Variants in ST3GAL5 observed in about 807,000 individuals in gnomAD.
ST3GAL5 encodes the protein ST3 beta-galactoside alpha-2,3-sialyltransferase 5.
A neutral mutation model predicts 46.1 loss-of-function variants in ST3GAL5; 25 were observed. That is an observed-to-expected ratio of 0.54 (90% CI 0.40 to 0.76). The LOEUF is 0.76. Ranked by LOEUF, ST3GAL5 falls within the 30% of genes least tolerant of loss-of-function variation. The pLI is 0.00. For synonymous variants in ST3GAL5, 182 were observed against 192.7 expected, an observed-to-expected ratio of 0.94 and a Z score of 0.46; for missense variants, 431 against 521.2, an observed-to-expected ratio of 0.83 and a Z score of 1.69.
At position 85,857,097 on chromosome 2, in the gene ST3GAL5, A is replaced by AAAAAAAT. The variant is rs1558669884; in HGVS notation, c.318+4083_318+4084insATTTTTT. On this transcript the variant is annotated intron_variant, in intron 3 of 6. Transcript: ENST00000638572. The stretch of plus-strand genomic sequence containing the variant: ...AAAAAAAAAAAAAAAAAAAAAAAAA[A>AAAAAAAT]TAGGCACGTATGGTGGTGCATGCTA... 1.6e-3 allele frequency among the ~76,000 whole-genome samples: 207 copies of AAAAAAAT among 132,378 alleles called. 2 individuals are homozygous for AAAAAAAT. Among genetic ancestry groups the AAAAAAAT allele is most frequent in the African/African-American group, 5.4e-3 (201 of 36,892 alleles). 86.8% of individuals were successfully genotyped at this position (132,378 alleles called of 152,430 possible).
At position 85,840,396 on chromosome 2, in the gene ST3GAL5, A is replaced by C; in HGVS notation, c.1009-4T>G. On this transcript the variant is annotated splice_polypyrimidine_tract_variant and splice_region_variant and intron_variant, in intron 6 of 6. Coordinates refer to ENST00000638572, the MANE Select transcript of ST3GAL5 (RefSeq NM_003896.4). Reference sequence around the variant, plus strand: ...TGACACCGATTGTGGGGACGTTCTGAGAAAGGGAAAAGAAGACCAAAAAGT... The same window carrying C: ...TGACACCGATTGTGGGGACGTTCTGCGAAAGGGAAAAGAAGACCAAAAAGT... The C allele has an allele frequency of 6.2e-7, 1 of 1,614,100 alleles. No homozygotes were observed. Among genetic ancestry groups the C allele is most frequent in the Non-Finnish European group, 8.5e-7 (1 of 1,180,022 alleles).
chr2:85,853,569 A>T (rs1344556506), intron 3 of ST3GAL5: 1 of 162,596 alleles, frequency 6.2e-6, no homozygotes, highest in Non-Finnish European at 1.4e-5. Context: ...GACTGCCTGG[A>T]GACGGGATTT....
chr2:85,855,324 T>C (rs1198142697), intron 3 of ST3GAL5: 2 of 152,824 alleles, frequency 1.3e-5, no homozygotes, highest in Non-Finnish European at 2.9e-5. Context: ...TGCTCCTCCT[T>C]GCCTTCTGCC....
chr2:85,859,617 T>C (rs937749285), intron 3 of ST3GAL5, among the ~76,000 whole-genome samples: 14 of 152,234 alleles, frequency 9.2e-5, no homozygotes, highest in African/African-American at 3.1e-4. Flanking sequence ...TGAGACTCAA[T>C]AGTTTTGCAG....
At position 85,837,685 on chromosome 2, in the gene ST3GAL5, CA is replaced by C. The variant is rs1681616369; in HGVS notation, c.*2458del. 2 of 152,080 alleles carry C rather than the reference CA, an allele frequency of 1.3e-5. No homozygotes were observed. The highest frequency in any genetic ancestry group is 2.9e-5 in the Non-Finnish European group (2 of 68,020). 9.4% of individuals were successfully genotyped at this position (152,080 alleles called of 1,614,324 possible). ...TGTATTACATTATCACATGGACCCT[CA>C]AAATATGCACATCACTATGTATCAA... On this transcript the variant is annotated 3_prime_UTR_variant, in exon 7 of 7. Transcript: ENST00000638572.
At chr2:85,876,033 G>A (rs1158156636) in intron 1 of ST3GAL5, among the ~76,000 whole-genome samples, 1 of 152,096 alleles carries the variant, frequency 6.6e-6, no homozygotes, top group African/African-American at 2.4e-5. Flanking sequence ...CATCATGCAG[G>A]ACATAATAAA....
chr2:85,840,473 G>A (rs576018243), intron 6 of ST3GAL5, 81 bp from the exon 7 acceptor site: 20 of 1,488,660 alleles, frequency 1.3e-5, no homozygotes, highest in South Asian at 2.4e-5. Context: ...CACATGCTAC[G>A]CAGAGTCATG....
At chr2:85,880,522 T>G (rs1003966579) in intron 1 of ST3GAL5, among the ~76,000 whole-genome samples, 5 of 152,130 alleles carry the variant, frequency 3.3e-5, no homozygotes, top group Admixed American at 1.3e-4. Flanking sequence ...GCACTGTCCC[T>G]CCTTCAAAAA....
At chr2:85,874,254 A>G (rs1686274843) in intron 1 of ST3GAL5, among the ~76,000 whole-genome samples, 1 of 152,218 alleles carries the variant, frequency 6.6e-6, no homozygotes, top group South Asian at 2.1e-4. Context: ...TTATAAATGT[A>G]AAAGTGTTAA....
chr2:85,888,865 A>AG lies in ST3GAL5; in HGVS notation c.40dup (p.Leu14ProfsTer19). The AG allele has an allele frequency of 1.5e-6, 2 of 1,360,160 alleles. No individual in the cohort carries two copies. Among genetic ancestry groups the AG allele is most frequent in the African/African-American group, 3.0e-5 (2 of 66,194 alleles). The allele number at this position is 1,360,160 out of a possible 1,614,324, so 84.3% of individuals were successfully genotyped here. A position where few individuals can be genotyped will look rare whatever the true frequency, so the allele number is the denominator to read the frequency against. On this transcript the variant is annotated frameshift_variant, in exon 1 of 7. Transcript: ENST00000638572. LOFTEE classifies it high-confidence loss of function. ...CGCCGCTGCCTCGGTCCGCGGCTGCAGGGGACGCCGCTCCGCGCAGCCCGC... is the reference window on the plus strand; with the variant it reads ...CGCCGCTGCCTCGGTCCGCGGCTGCAGGGGGACGCCGCTCCGCGCAGCCCGC...
chr2:85,887,721 A>G (rs2104273331), intron 1 of ST3GAL5: 1 of 152,378 alleles, frequency 6.6e-6, no homozygotes, highest in South Asian at 2.1e-4. Flanking sequence ...TGCAGCAGAA[A>G]TGGATTCCTC....
intron 1 of ST3GAL5, among the ~76,000 whole-genome samples, chr2:85,885,435 G>C (rs1477084812): frequency 6.6e-6 from 1 of 152,188 alleles, no homozygotes; most frequent in Admixed American, 6.5e-5. Context: ...GGTAGAAACT[G>C]ATCCTGACTG....
chr2:85,843,793 C>T (rs1200172805), intron 6 of ST3GAL5, among the ~76,000 whole-genome samples: 2 of 152,160 alleles, frequency 1.3e-5, no homozygotes, highest in Non-Finnish European at 1.5e-5. Context: ...CAATAAACAG[C>T]CTAGAGCACA....
intron 3 of ST3GAL5, chr2:85,848,438 A>T: frequency 6.7e-7 from 1 of 1,494,918 alleles, no homozygotes; most frequent in Non-Finnish European, 9.0e-7. Flanking sequence ...TTCATTGCAC[A>T]GGCAAAGCAA....
intron 3 of ST3GAL5, chr2:85,860,958 C>T (rs1684659246): frequency 5.6e-6 from 3 of 538,420 alleles, no homozygotes; most frequent in South Asian, 2.0e-5. Context: ...CCTCATCCCA[C>T]ACCCCAGCTG....
At chr2:85,875,218 C>T (rs952605077) in intron 1 of ST3GAL5, among the ~76,000 whole-genome samples, 2 of 151,972 alleles carry the variant, frequency 1.3e-5, no homozygotes, top group Admixed American at 6.6e-5. Context: ...CCACCACACC[C>T]GGCTACATTT....
chr2:85,885,502 G>A (rs12992339), intron 1 of ST3GAL5, among the ~76,000 whole-genome samples: 38,330 of 152,020 alleles, frequency 0.25, 5,032 homozygotes, highest in East Asian at 0.38. Context: ...CCTCATCAGC[G>A]AACAGTGAGG....
intron 1 of ST3GAL5, among the ~76,000 whole-genome samples, chr2:85,875,883 T>C (rs1041440895): frequency 1.3e-5 from 2 of 152,150 alleles, no homozygotes; most frequent in African/African-American, 4.8e-5. Flanking sequence ...ACAAAGCGAT[T>C]ACAGGCAGCA....
chr2:85,840,620 A>G, intron 6 of ST3GAL5: 1 of 572,400 alleles, frequency 1.7e-6, no homozygotes, highest in East Asian at 3.1e-5. Flanking sequence ...TTCAAGGGGC[A>G]GCCTGACAAT....
Sources: gnomAD v4.1 joint callset for allele counts (sites outside exome capture counted in the v4.1 genomes callset) on GRCh38, gnomAD v4.1.1 for gene constraint, MANE v1.5 for transcripts, NCBI Gene and HGNC (gene_info 2026-07-23, HGNC 2026-07-21) for gene names.